The following ARSH variants were observed in gnomAD, a reference collection of about 807,000 sequenced individuals.
The protein encoded by ARSH is arylsulfatase family member H.
Under a neutral mutation model 28.7 loss-of-function variants are expected in ARSH, and 32 were observed. That is an observed-to-expected ratio of 1.11 (90% CI 0.84 to 1.50). The LOEUF (loss-of-function observed/expected upper bound fraction) is 1.50. Among genes scored for constraint, ARSH ranks in the 40% most tolerant of loss-of-function variants. The pLI, the probability that ARSH is intolerant of heterozygous loss-of-function variation, is 0.00. For missense variants in ARSH, 440 were observed against 452.4 expected, an observed-to-expected ratio of 0.97 and a Z score of 0.25; for synonymous variants, 176 against 177.3, an observed-to-expected ratio of 0.99 and a Z score of 0.06.
At chrX:3,018,936 T>C (rs1215539070) in intron 5 of ARSH, among the ~76,000 whole-genome samples, 3 of 111,889 alleles carry the variant, frequency 2.7e-5, no homozygotes, top group Non-Finnish European at 5.6e-5. Flanking sequence ...AAAAACTCAT[T>C]GGCAAGATAA....
chrX:3,010,186 C>T (rs1475838695), intron 2 of ARSH, 35 bp downstream of exon 2: 1 of 1,186,640 alleles, frequency 8.4e-7, no homozygotes, highest in East Asian at 3.0e-5. Context: ...ATTTCAGTCT[C>T]ACCAGAATGC....
At chrX:3,009,114 G>A (rs2089839141) in intron 1 of ARSH, among the ~76,000 whole-genome samples, 1 of 111,543 alleles carries the variant, frequency 9.0e-6, no homozygotes, top group African/African-American at 3.3e-5. Flanking sequence ...GGAGGCTGAA[G>A]TGGGAGGATC....
intron 6 of ARSH, among the ~76,000 whole-genome samples, chrX:3,024,747 T>G (rs998145865): frequency 5.4e-5 from 6 of 111,285 alleles, no homozygotes; most frequent in African/African-American, 2.0e-4. Context: ...GGTGCCTAGC[T>G]CCTCATGGCC....
At chrX:3,027,507 G>T in intron 7 of ARSH, 32 bp downstream of exon 7, 1 of 1,178,863 alleles carries the variant, frequency 8.5e-7, no homozygotes, top group Non-Finnish European at 1.1e-6. Flanking sequence ...CTAACCTAGG[G>T]TGATATATTT....
In ARSH at chrX:3,023,883, GATTA is replaced by G. The variant is rs1416573748; in HGVS notation, c.902-133_902-130del. 1.1e-5 allele frequency: 6 copies of G among 557,886 alleles called. No homozygotes were observed. The Admixed American group carries it at 1.3e-4, about 12-fold the overall frequency. The allele number at this position is 557,886 out of a possible 1,213,427, so 46.0% of individuals were successfully genotyped here. A position where few individuals can be genotyped will look rare whatever the true frequency, so the allele number is the denominator to read the frequency against. On this transcript the variant is annotated intron_variant, in intron 5 of 8. Transcript: ENST00000381130. ...AATAGTATGTATTACAATATTATAT[GATTA>G]ATTATACAATATCGTGTAGTGCAGA...
intron 3 of ARSH, 68 bp from the exon 4 acceptor site, chrX:3,014,902 A>C (rs1331893040): frequency 9.6e-7 from 1 of 1,046,223 alleles, no homozygotes; most frequent in Non-Finnish European, 1.3e-6. Flanking sequence ...AGGGAAGCCC[A>C]CATTCTAGAA....
rs1169282076 is a variant in ARSH at position 3,016,188 on chromosome X, T to TTTTTTTAGAAA, written c.764+797_764+807dup. Among the ~76,000 whole-genome samples the TTTTTTTAGAAA allele has an allele frequency of 7.6e-4, 83 of 109,205 alleles. 1 individual carries two copies. Among genetic ancestry groups the TTTTTTTAGAAA allele is most frequent in the African/African-American group, 2.6e-3 (79 of 30,019 alleles). 94.8% of individuals were successfully genotyped at this position (109,205 alleles called of 115,157 possible). A position where few individuals can be genotyped will look rare whatever the true frequency, so the allele number is the denominator to read the frequency against. ...GGATGCCTGGCTAAATTTTGCATTT[T>TTTTTTTAGAAA]TTTTTTAGAAATGGGGTTTTGTCAT... On this transcript the variant is annotated intron_variant, in intron 4 of 8. Coordinates refer to ENST00000381130, the MANE Select transcript of ARSH (RefSeq NM_001011719.2).
rs755749697 is a variant in ARSH at position 3,010,113 on chromosome X, G to A, written c.176G>A (p.Arg59Gln). Residue 59 changes from arginine (R) to glutamine (Q), a missense_variant, in exon 2 of 9, where the codon CGG becomes CAG. Coordinates refer to ENST00000381130, the MANE Select transcript of ARSH (RefSeq NM_001011719.2). ...GCTGCTTCCATGTGCACCCCAAGTC[G>A]GGCTGCCTTCCTGACCGGCCGGTAC... ...LAAASMCTPS[R>Q]AAFLTGRYPI... 7 of 1,209,487 alleles carry A rather than the reference G, an allele frequency of 5.8e-6. No homozygotes were observed. The highest frequency in any genetic ancestry group is 5.9e-5 in the East Asian group (2 of 33,775).
intron 3 of ARSH, among the ~76,000 whole-genome samples, chrX:3,013,838 G>A (rs1281908607): frequency 1.8e-5 from 2 of 111,461 alleles, no homozygotes; most frequent in Non-Finnish European, 3.8e-5. Context: ...AGTAGGGCAT[G>A]TATTCCCATG....
At chrX:3,009,091 A>G (rs1396913709) in intron 1 of ARSH, among the ~76,000 whole-genome samples, 1 of 111,567 alleles carries the variant, frequency 9.0e-6, no homozygotes, top group Non-Finnish European at 1.9e-5. Flanking sequence ...TTACCGTAAG[A>G]TATATATTAA....
At chrX:3,025,448 G>A (rs1377848976) in intron 6 of ARSH, among the ~76,000 whole-genome samples, 5 of 103,633 alleles carry the variant, frequency 4.8e-5, no homozygotes, top group South Asian at 4.2e-4. Flanking sequence ...ATTATATATA[G>A]TATATAGAAT....
chrX:3,018,420 T>C lies in ARSH; in HGVS notation c.765-114T>C, dbSNP rs748675593. The C allele has an allele frequency of 3.3e-5, 25 of 763,549 alleles. No individual in the cohort carries two copies. In the African/African-American group the frequency reaches 5.1e-4, roughly 15 times the overall value. The allele number at this position is 763,549 out of a possible 1,213,427, so 62.9% of individuals were successfully genotyped here. On this transcript the variant is annotated intron_variant, in intron 4 of 8. Transcript: ENST00000381130. Reference sequence around the variant, plus strand: ...GAGTGGTATTGTCATCTAAAGTACATAGAAAACCTCCGCCAGCTATTATGA... The same window carrying C: ...GAGTGGTATTGTCATCTAAAGTACACAGAAAACCTCCGCCAGCTATTATGA...
chrX:3,014,030 G>A (rs2089858911), intron 3 of ARSH, among the ~76,000 whole-genome samples: 1 of 111,637 alleles, frequency 9.0e-6, no homozygotes. Flanking sequence ...AGCACTTTGG[G>A]AGGCTGAGGC....
intron 2 of ARSH, among the ~76,000 whole-genome samples, chrX:3,011,722 G>A (rs995533655): frequency 8.0e-5 from 9 of 112,225 alleles, no homozygotes; most frequent in African/African-American, 2.6e-4. Context: ...AAAAATTTCA[G>A]CAAAACAGTT....
intron 7 of ARSH, among the ~76,000 whole-genome samples, chrX:3,028,893 C>A (rs1034590764): frequency 6.7e-4 from 73 of 109,610 alleles, no homozygotes; most frequent in African/African-American, 2.4e-3. Context: ...GCCTGGCCAA[C>A]ATGGTGAAAC....
At chrX:3,024,291 A>G in intron 6 of ARSH, 136 bp downstream of exon 6, 1 of 690,244 alleles carries the variant, frequency 1.4e-6, no homozygotes, top group Non-Finnish European at 1.9e-6. Flanking sequence ...CTAGACCGAA[A>G]AAAAAAAAAA....
At chrX:3,012,038 T>A (rs1428799149) in intron 2 of ARSH, among the ~76,000 whole-genome samples, 1 of 111,340 alleles carries the variant, frequency 9.0e-6, no homozygotes, top group East Asian at 2.8e-4. Flanking sequence ...AGACAGGGTT[T>A]CACCATATTA....
In ARSH at chrX:3,010,085, G is replaced by T. The variant is rs758874207; in HGVS notation, c.148G>T (p.Ala50Ser). The T allele has an allele frequency of 1.3e-5, 16 of 1,209,232 alleles. No homozygotes were observed. Among genetic ancestry groups the T allele is most frequent in the Non-Finnish European group, 1.8e-5 (16 of 894,754 alleles). Residue 50 changes from alanine to serine, a missense_variant, in exon 2 of 9, where the codon GCA (alanine) becomes TCA (serine). Transcript: ENST00000381130. ...AGGAGTGAGGCTTACCCAGCATCTC[G>T]CAGCTGCTTCCATGTGCACCCCAAG... Reference protein sequence around the residue: ...SEGVRLTQHLAAASMCTPSRA... With the variant: ...SEGVRLTQHLSAASMCTPSRA...
chrX:3,020,503 G>A (rs2089879795), intron 5 of ARSH, among the ~76,000 whole-genome samples: 1 of 102,245 alleles, frequency 9.8e-6, no homozygotes, highest in Non-Finnish European at 2.0e-5. Flanking sequence ...GCAGGAGAAT[G>A]GCGTGAACCT....
Sources: gnomAD v4.1 joint callset for allele counts (sites outside exome capture counted in the v4.1 genomes callset) on GRCh38, gnomAD v4.1.1 for gene constraint, MANE v1.5 for transcripts, NCBI Gene and HGNC (gene_info 2026-07-23, HGNC 2026-07-21) for gene names.